Variants in KIF15 observed in about 807,000 individuals in gnomAD.
The protein encoded by KIF15 is kinesin family member 15, also known as kinesin-like protein KIF15.
Under a neutral mutation model 190.6 loss-of-function variants are expected in KIF15, and 140 were observed. The observed-to-expected ratio is 0.73, with a 90% CI of 0.64 to 0.84. The LOEUF is 0.84. Ranked by LOEUF, KIF15 falls within the 40% of genes least tolerant of loss-of-function variation. The probability of loss-of-function intolerance (pLI) is 0.00; values close to 1 mark genes in which losing one functional copy is unlikely to be tolerated. For synonymous variants in KIF15, 528 were observed against 551.3 expected (o/e 0.96, Z 0.59); for missense variants, 1,372 against 1,584.4 (o/e 0.87, Z 2.28).
intron 1 of KIF15, among the ~76,000 whole-genome samples, chr3:44,771,055 T>C (rs940758792): frequency 6.6e-6 from 1 of 152,206 alleles, no homozygotes; most frequent in Non-Finnish European, 1.5e-5. Flanking sequence ...GAAACCTGCA[T>C]TTGAGAGCAC....
intron 24 of KIF15, among the ~76,000 whole-genome samples, chr3:44,829,596 A>G (rs1206627932): frequency 8.0e-6 from 1 of 124,828 alleles, no homozygotes; most frequent in African/African-American, 3.4e-5. Context: ...ATTATATATT[A>G]TATATGCATA....
At chr3:44,867,202 C>A (rs1575704309) in intron 6 of KIF15, among the ~76,000 whole-genome samples, 7 of 152,304 alleles carry the variant, frequency 4.6e-5, no homozygotes, top group Admixed American at 6.5e-5. Context: ...CAGTCCCTAC[C>A]TCTGTCCTGC....
chr3:44,791,009 T>A (rs1275260352), intron 7 of KIF15, among the ~76,000 whole-genome samples: 2 of 152,184 alleles, frequency 1.3e-5, no homozygotes, highest in African/African-American at 4.8e-5. Flanking sequence ...TTTAGGTGTT[T>A]ATTGTAAACC....
rs577144267 is a variant in KIF15 at position 44,813,283 on chromosome 3, C to A, written c.2383+103C>A. The A allele has an allele frequency of 9.2e-5, 61 of 663,174 alleles. No individual in the cohort carries two copies. The South Asian group carries it at 1.3e-3, about 14-fold the overall frequency. 41.1% of individuals were successfully genotyped at this position (663,174 alleles called of 1,614,324 possible). On this transcript the variant is annotated intron_variant, in intron 19 of 34. Coordinates refer to ENST00000326047, the MANE Select transcript of KIF15 (RefSeq NM_020242.3). ...CTGTTCCTATGTTTTTGGATGGTTG[C>A]TTTGTTGTTGTTGTTTGTTTGATAA...
intron 1 of KIF15, among the ~76,000 whole-genome samples, chr3:44,762,539 C>A (rs896398601): frequency 5.3e-5 from 8 of 152,208 alleles, no homozygotes; most frequent in African/African-American, 1.9e-4. Context: ...CTCCACTTCT[C>A]ACATTGCCAC....
Position 44,825,908 on chromosome 3 carries a change from C to T in KIF15, c.2550-131C>T, listed in dbSNP as rs956269488. 9 of 723,380 alleles carry T rather than the reference C, an allele frequency of 1.2e-5. No individual in the cohort carries two copies. In the African/African-American group the frequency reaches 1.5e-4, roughly 12 times the overall value. 44.8% of individuals were successfully genotyped at this position (723,380 alleles called of 1,614,324 possible). A position where few individuals can be genotyped will look rare whatever the true frequency, so the allele number is the denominator to read the frequency against. ...ACATTTCACACAGGTCCATAAGGAGCCTTATATCACTCGAGGCTTATGTGA... is the reference window on the plus strand; with the variant it reads ...ACATTTCACACAGGTCCATAAGGAGTCTTATATCACTCGAGGCTTATGTGA... On this transcript the variant is annotated intron_variant, in intron 20 of 34. Coordinates refer to ENST00000326047, the MANE Select transcript of KIF15 (RefSeq NM_020242.3).
intron 5 of KIF15, among the ~76,000 whole-genome samples, chr3:44,781,974 C>G (rs747403935): frequency 5.3e-5 from 8 of 151,960 alleles, no homozygotes; most frequent in Non-Finnish European, 8.8e-5. Flanking sequence ...TTTCATTTGT[C>G]TTTTGACTTA....
chr3:44,808,660 A>G (rs1338548061), intron 16 of KIF15, among the ~76,000 whole-genome samples: 2 of 150,884 alleles, frequency 1.3e-5, no homozygotes, highest in Non-Finnish European at 2.9e-5. Context: ...GCTTTTGTTA[A>G]CTCAGGGATA....
At chr3:44,849,160 A>C (rs1698972886) in intron 32 of KIF15, among the ~76,000 whole-genome samples, 1 of 152,248 alleles carries the variant, frequency 6.6e-6, no homozygotes, top group South Asian at 2.1e-4. Flanking sequence ...TATTAGGGAT[A>C]GAGATCTTCA....
chr3:44,825,894 A>G, intron 20 of KIF15, 145 bp from the exon 21 acceptor site: 1 of 629,270 alleles, frequency 1.6e-6, no homozygotes, highest in Admixed American at 3.8e-5. Context: ...CATTTCACAC[A>G]GGTCCATAAG....
chr3:44,861,353 C>A (rs62242564), intron 6 of KIF15, among the ~76,000 whole-genome samples: 67,221 of 151,882 alleles, frequency 0.44, 16,070 homozygotes, highest in East Asian at 0.83. Flanking sequence ...TTCTGCGTGG[C>A]TTGATTATGG....
At chr3:44,857,182 C>G (rs112127302), downstream of KIF15, among the ~76,000 whole-genome samples, 1 of 151,988 alleles carries the variant, frequency 6.6e-6, no homozygotes, top group Non-Finnish European at 1.5e-5. Flanking sequence ...ATGTGGGAGG[C>G]CGGACTGAAG....
chr3:44,860,006 A>T (rs905299669), intron 6 of KIF15, among the ~76,000 whole-genome samples: 1 of 152,134 alleles, frequency 6.6e-6, no homozygotes, highest in Non-Finnish European at 1.5e-5. Context: ...GAGATTAACA[A>T]CGATGTAGTC....
chr3:44,792,896 T>C (rs1026321965), intron 7 of KIF15, among the ~76,000 whole-genome samples: 9 of 152,184 alleles, frequency 5.9e-5, no homozygotes, highest in African/African-American at 1.9e-4. Flanking sequence ...CTAACTTCTT[T>C]TGTATACATT....
At chr3:44,773,523 C>T (rs973184432) in intron 1 of KIF15, among the ~76,000 whole-genome samples, 1 of 152,104 alleles carries the variant, frequency 6.6e-6, no homozygotes, top group African/African-American at 2.4e-5. Flanking sequence ...GGTAGAACAC[C>T]CCCAACATTG....
In KIF15 at chr3:44,805,881, T is replaced by A. The variant is rs1707473670; in HGVS notation, c.1866T>A (p.Ser622=). The A allele has an allele frequency of 6.2e-7, 1 of 1,614,006 alleles. No individual in the cohort carries two copies. The highest frequency in any genetic ancestry group is 1.3e-5 in the African/African-American group (1 of 74,922). ...RQLELESELQ[S]LQKANLNLEN... ...TAGAATTGGAATCAGAGCTTCAGTC[T>A]TTGCAAAAAGCGAACCTTAATCTTG... Residue 622 remains serine, a synonymous_variant, in exon 16 of 35, where the codon TCT becomes TCA. Coordinates refer to ENST00000326047, the MANE Select transcript of KIF15 (RefSeq NM_020242.3).
chr3:44,827,744 G>A (rs964095548), intron 23 of KIF15, among the ~76,000 whole-genome samples: 1 of 151,984 alleles, frequency 6.6e-6, no homozygotes, highest in African/African-American at 2.4e-5. Flanking sequence ...GTGCAGTGGC[G>A]CAGTGATGGC....
At chr3:44,822,330 C>A (rs1697386869) in intron 20 of KIF15, among the ~76,000 whole-genome samples, 2 of 152,142 alleles carry the variant, frequency 1.3e-5, no homozygotes, top group South Asian at 4.1e-4. Context: ...TGAATATTGC[C>A]CCCCACTCTC....
chr3:44,779,821 GAAAAA>G (rs397875811), intron 4 of KIF15, among the ~76,000 whole-genome samples: 1 of 100,018 alleles, frequency 1.0e-5, no homozygotes, highest in Admixed American at 1.1e-4. Context: ...GTGACAGAGT[GAAAAA>G]AAAAAAAAAA....
Sources: gnomAD v4.1 joint callset for allele counts (sites outside exome capture counted in the v4.1 genomes callset) on GRCh38, gnomAD v4.1.1 for gene constraint, MANE v1.5 for transcripts, NCBI Gene and HGNC (gene_info 2026-07-23, HGNC 2026-07-21) for gene names.